PCDHA4: variants seen among roughly 807,000 people sequenced by gnomAD.
PCDHA4 encodes the protein protocadherin alpha 4.
Under a neutral mutation model 61.4 loss-of-function variants are expected in PCDHA4, and 49 were observed. That is an observed-to-expected ratio of 0.80 (90% CI 0.63 to 1.01). PCDHA4 has a LOEUF of 1.01. PCDHA4 is among the 50% of genes least tolerant of loss of function. The pLI, the probability that PCDHA4 is intolerant of heterozygous loss-of-function variation, is 0.00. For synonymous variants in PCDHA4, 590 were observed against 550.3 expected, an observed-to-expected ratio of 1.07 and a Z score of -1.01; for missense variants, 1,254 against 1,235.8, an observed-to-expected ratio of 1.01 and a Z score of -0.22.
intron 1 of PCDHA4, chr5:140,968,408 A>G: frequency 6.2e-7 from 1 of 1,613,980 alleles, no homozygotes; most frequent in Non-Finnish European, 8.5e-7. Flanking sequence ...GTTCTTTGTG[A>G]CTGTGGAGGC....
chr5:140,880,147 A>G (rs986031880), intron 1 of PCDHA4, among the ~76,000 whole-genome samples: 1 of 152,254 alleles, frequency 6.6e-6, no homozygotes, highest in African/African-American at 2.4e-5. Context: ...AAAGTGCAAT[A>G]TATCAAGTAT....
intron 1 of PCDHA4, chr5:140,822,856 G>A: frequency 1.9e-6 from 3 of 1,614,206 alleles, no homozygotes; most frequent in Non-Finnish European, 2.5e-6. Flanking sequence ...TGTCAAAGAG[G>A]ACGCTCCACT....
intron 1 of PCDHA4, chr5:140,843,009 C>A: frequency 6.3e-7 from 1 of 1,595,058 alleles, no homozygotes; most frequent in Non-Finnish European, 8.6e-7. Flanking sequence ...GACAACGCGC[C>A]GGCACTGCTG....
chr5:140,923,280 A>C (rs2081292990), intron 1 of PCDHA4, among the ~76,000 whole-genome samples: 1 of 152,220 alleles, frequency 6.6e-6, no homozygotes, highest in South Asian at 2.1e-4. Context: ...CTCTACAAAA[A>C]ATTAAAAATT....
chr5:140,849,999 C>A, intron 1 of PCDHA4: 1 of 1,597,044 alleles, frequency 6.3e-7, no homozygotes, highest in East Asian at 2.2e-5. Flanking sequence ...GTTGGGCGAG[C>A]GCTCGCTGTC....
At position 140,876,889 on chromosome 5, in the gene PCDHA4, C is replaced by G. The variant is rs1409299527; in HGVS notation, c.2385+67317C>G. On this transcript the variant is annotated intron_variant, in intron 1 of 3. Coordinates refer to ENST00000530339, the MANE Select transcript of PCDHA4 (RefSeq NM_018907.4). ...GAAGGAGAACAACCCGCCGGGCTGC[C>G]ACATCTTCACGGTGTCGGCATGGGA... 3.1e-6 allele frequency: 5 copies of G among 1,613,996 alleles called. No homozygotes were observed. In the African/African-American group the frequency reaches 6.7e-5, roughly 22 times the overall value.
chr5:141,007,311 G>T (rs1268953957), intron 3 of PCDHA4, among the ~76,000 whole-genome samples: 1 of 151,596 alleles, frequency 6.6e-6, no homozygotes, highest in Non-Finnish European at 1.5e-5. Context: ...AGCATTTTGG[G>T]AGGCTAAAGT....
At chr5:140,824,207 A>G in intron 1 of PCDHA4, 5 of 1,587,454 alleles carry the variant, frequency 3.1e-6, no homozygotes, top group Non-Finnish European at 4.3e-6. Context: ...CTTTTTTTGT[A>G]TTTAAAAATT....
intron 1 of PCDHA4, chr5:140,882,587 G>A (rs559310344): frequency 6.2e-7 from 1 of 1,614,256 alleles, no homozygotes; most frequent in East Asian, 2.2e-5. Flanking sequence ...CATCCACCTG[G>A]AGGTGATCGT....
At chr5:140,846,228 T>C (rs1397135837) in intron 1 of PCDHA4, among the ~76,000 whole-genome samples, 1 of 149,604 alleles carries the variant, frequency 6.7e-6, no homozygotes, top group Non-Finnish European at 1.5e-5. Flanking sequence ...AGTATTTTTC[T>C]TAAAAAGAAG....
chr5:140,852,781 G>C lies in PCDHA4; in HGVS notation c.2385+43209G>C, dbSNP rs1213399832. 14 of 979,508 alleles carry C rather than the reference G, an allele frequency of 1.4e-5. 1 individual carries two copies. The highest frequency in any genetic ancestry group is 6.3e-5 in the Admixed American group (1 of 15,846). 60.7% of individuals were successfully genotyped at this position (979,508 alleles called of 1,614,324 possible). ...GGTATCTGATTATTTGATGTGAATA[G>C]AGGGATGCTACAGATGTCATTTGTC... On this transcript the variant is annotated intron_variant, in intron 1 of 3. Coordinates refer to ENST00000530339, the MANE Select transcript of PCDHA4 (RefSeq NM_018907.4).
intron 1 of PCDHA4, among the ~76,000 whole-genome samples, chr5:140,922,915 A>G (rs1184691604): frequency 6.6e-6 from 1 of 152,224 alleles, no homozygotes; most frequent in Non-Finnish European, 1.5e-5. Context: ...ATACAAATAA[A>G]CTTCAGACTT....
chr5:140,857,920 G>T (rs2045011675), intron 1 of PCDHA4: 2 of 1,597,702 alleles, frequency 1.3e-6, no homozygotes, highest in East Asian at 2.2e-5. Context: ...TTCGCGTGGG[G>T]CTGTACACGG....
intron 1 of PCDHA4, chr5:140,870,349 A>G (rs1554164130): frequency 6.2e-7 from 1 of 1,614,154 alleles, no homozygotes; most frequent in Non-Finnish European, 8.5e-7. Context: ...GGACCGCGAG[A>G]ACGTGTGGGC....
chr5:140,858,809 A>G (rs2045602165), intron 1 of PCDHA4: 1 of 352,582 alleles, frequency 2.8e-6, no homozygotes, highest in African/African-American at 2.2e-5. Flanking sequence ...CTAAATTTTG[A>G]TTTGATTGTA....
chr5:140,884,305 G>A (rs1223534357), intron 1 of PCDHA4: 2 of 1,613,602 alleles, frequency 1.2e-6, no homozygotes, highest in Non-Finnish European at 1.7e-6. Context: ...CACAGGCTTC[G>A]TCGAGGGCGT....
chr5:140,901,146 C>A (rs1463079898), intron 1 of PCDHA4, among the ~76,000 whole-genome samples: 1 of 152,180 alleles, frequency 6.6e-6, no homozygotes, highest in African/African-American at 2.4e-5. Flanking sequence ...AATATTTTCT[C>A]TCAATCTGTG....
intron 1 of PCDHA4, among the ~76,000 whole-genome samples, chr5:140,953,493 A>G (rs959606912): frequency 8.5e-5 from 13 of 152,108 alleles, no homozygotes; most frequent in Non-Finnish European, 1.5e-5. Flanking sequence ...CACAACCTTG[A>G]TCAGCTATTA....
chr5:140,986,656 C>T (rs141575317), intron 3 of PCDHA4, among the ~76,000 whole-genome samples: 2 of 152,290 alleles, frequency 1.3e-5, no homozygotes, highest in East Asian at 1.9e-4. Context: ...GTGGGAGATG[C>T]TCACAGTTTT....
Sources: gnomAD v4.1 joint callset for allele counts (sites outside exome capture counted in the v4.1 genomes callset) on GRCh38, gnomAD v4.1.1 for gene constraint, MANE v1.5 for transcripts, NCBI Gene and HGNC (gene_info 2026-07-23, HGNC 2026-07-21) for gene names.